STOM: variants seen among roughly 807,000 people sequenced by gnomAD.
STOM encodes stomatin.
Under a neutral mutation model 30.6 loss-of-function variants are expected in STOM, and 25 were observed. The ratio of observed to expected loss-of-function variants is 0.82; its 90% CI spans 0.60 to 1.14. The LOEUF is 1.14. STOM is among the 50% of genes most tolerant of loss of function. The probability of loss-of-function intolerance (pLI) is 0.00; values close to 1 mark genes in which losing one functional copy is unlikely to be tolerated. For synonymous variants in STOM, 118 were observed against 130.8 expected (o/e 0.90, Z 0.67); for missense variants, 292 against 365.2 (o/e 0.80, Z 1.63).
In STOM at chr9:121,341,313, G is replaced by T. The variant is rs2064244834; in HGVS notation, c.756C>A (p.Tyr252Ter). 5 of 1,614,180 alleles carry T rather than the reference G, an allele frequency of 3.1e-6. No individual in the cohort carries two copies. Among genetic ancestry groups the T allele is most frequent in the Non-Finnish European group, 4.2e-6 (5 of 1,180,036 alleles). The change falls in exon 7 of 7, where the codon TAC (tyrosine) becomes TAA (stop). Residue 252 changes from tyrosine to a stop codon, truncating the protein, a stop_gained. Transcript: ENST00000286713. LOFTEE classifies it high-confidence loss of function. ...TESPAALQLR[Y>*]LQTLTTIAAE... ...CAGCAATGGTGGTCAGTGTCTGCAGGTATCGGAGCTGAAGGGCTGCAGGAG... is the reference window on the plus strand; with the variant it reads ...CAGCAATGGTGGTCAGTGTCTGCAGTTATCGGAGCTGAAGGGCTGCAGGAG...
intron 4 of STOM, among the ~76,000 whole-genome samples, chr9:121,351,356 A>T (rs2064337791): frequency 6.6e-6 from 1 of 152,254 alleles, no homozygotes; most frequent in South Asian, 2.1e-4. Context: ...GATTCCTGGC[A>T]TCACTAACTT....
Position 121,357,424 on chromosome 9 carries a change from G to GATATATATATATAT in STOM, c.62-1282_62-1269dup, listed in dbSNP as rs1156937416. Among the ~76,000 whole-genome samples, 34 of 95,426 alleles carry GATATATATATATAT rather than the reference G, an allele frequency of 3.6e-4. 3 individuals carry two copies. Among genetic ancestry groups the GATATATATATATAT allele is most frequent in the South Asian group, 1.5e-3 (3 of 1,944 alleles). 62.6% of individuals were successfully genotyped at this position (95,426 alleles called of 152,430 possible). On this transcript the variant is annotated intron_variant, in intron 1 of 6. Coordinates refer to ENST00000286713, the MANE Select transcript of STOM (RefSeq NM_004099.6). ...TAGTGTACACACCATATTTTTAAATGATATATATATATATATTTATTTATT... is the reference window on the plus strand; with the variant it reads ...TAGTGTACACACCATATTTTTAAATGATATATATATATATATATATATATATATATTTATTTATT...
chr9:121,348,205 A>G, intron 5 of STOM, 56 bp from the exon 6 acceptor site: 3 of 1,611,884 alleles, frequency 1.9e-6, no homozygotes, highest in Non-Finnish European at 2.5e-6. Flanking sequence ...AGATGCTGAC[A>G]GAGGCTGTAT....
intron 1 of STOM, chr9:121,369,844 T>TCTC: frequency 7.3e-6 from 3 of 408,934 alleles, no homozygotes; most frequent in Admixed American, 3.8e-5. Flanking sequence ...TGACACGAGA[T>TCTC]AGTGCAGCCC....
At chr9:121,360,212 C>A (rs2064436868) in intron 1 of STOM, among the ~76,000 whole-genome samples, 1 of 152,150 alleles carries the variant, frequency 6.6e-6, no homozygotes, top group Admixed American at 6.5e-5. Flanking sequence ...CTAGATATGT[C>A]TTTTTCTTTC....
intron 1 of STOM, among the ~76,000 whole-genome samples, chr9:121,361,997 G>A (rs1327210621): frequency 6.6e-6 from 1 of 152,120 alleles, no homozygotes; most frequent in African/African-American, 2.4e-5. Flanking sequence ...GATCTGATCC[G>A]TCTGTGGCCT....
intron 1 of STOM, among the ~76,000 whole-genome samples, chr9:121,360,810 T>G (rs1193059518): frequency 6.6e-6 from 1 of 152,172 alleles, no homozygotes; most frequent in Non-Finnish European, 1.5e-5. Flanking sequence ...TCACATTGTG[T>G]TTTTGAGAAC....
chr9:121,368,822 C>T (rs2064530800), intron 1 of STOM, among the ~76,000 whole-genome samples: 1 of 151,936 alleles, frequency 6.6e-6, no homozygotes, highest in Non-Finnish European at 1.5e-5. Flanking sequence ...CGCCTGTAAT[C>T]CCAGCTACTT....
chr9:121,357,045 T>A (rs1224288283), intron 1 of STOM, among the ~76,000 whole-genome samples: 3 of 151,944 alleles, frequency 2.0e-5, no homozygotes, highest in Non-Finnish European at 4.4e-5. Context: ...TAGCTAGGAG[T>A]ACAGTACGAA....
chr9:121,357,730 G>T (rs543878633), intron 1 of STOM, among the ~76,000 whole-genome samples: 3 of 151,884 alleles, frequency 2.0e-5, no homozygotes, highest in Non-Finnish European at 4.4e-5. Context: ...AAGCCACTGC[G>T]CCCGGCCTTA....
intron 6 of STOM, among the ~76,000 whole-genome samples, chr9:121,343,545 G>C (rs1271099020): frequency 2.6e-5 from 4 of 152,188 alleles, no homozygotes; most frequent in Admixed American, 6.5e-5. Flanking sequence ...AACTTTTCCA[G>C]AGGGTGACGT....
chr9:121,358,338 C>T (rs1299441832), intron 1 of STOM, among the ~76,000 whole-genome samples: 1 of 151,898 alleles, frequency 6.6e-6, no homozygotes, highest in African/African-American at 2.4e-5. Flanking sequence ...GTGGCACACA[C>T]CTGTAGTCCC....
chr9:121,339,710 T>C lies in STOM; in HGVS notation c.*1492A>G. The C allele has an allele frequency of 8.1e-6, 10 of 1,231,236 alleles. No homozygotes were observed. The highest frequency in any genetic ancestry group is 7.1e-6 in the Non-Finnish European group (7 of 987,708). 76.3% of individuals were successfully genotyped at this position (1,231,236 alleles called of 1,614,324 possible). On this transcript the variant is annotated 3_prime_UTR_variant, in exon 7 of 7. Coordinates refer to ENST00000286713, the MANE Select transcript of STOM (RefSeq NM_004099.6). ...GCCAGGTTGCTCAGATTCACAGACA[T>C]TTGCAAAACAGAAGATGTCTCCTAA...
chr9:121,346,178 C>G (rs1457696602), intron 6 of STOM, among the ~76,000 whole-genome samples: 1 of 151,998 alleles, frequency 6.6e-6, no homozygotes, highest in Non-Finnish European at 1.5e-5. Context: ...TTAGTAAGGA[C>G]GGGGTTTCAC....
chr9:121,339,440 A>C lies in STOM; in HGVS notation c.*1762T>G. On this transcript the variant is annotated 3_prime_UTR_variant, in exon 7 of 7. Transcript: ENST00000286713. ...TTAAGTTGCACTGCTCCATACCTCT[A>C]ATAAACTCAGCTAGGAGCCAGGATA... 1 of 917,494 alleles carries C rather than the reference A, an allele frequency of 1.1e-6. No homozygotes were observed. Among genetic ancestry groups the C allele is most frequent in the Non-Finnish European group, 1.4e-6 (1 of 706,512 alleles). The allele number at this position is 917,494 out of a possible 1,614,324, so 56.8% of individuals were successfully genotyped here. A position where few individuals can be genotyped will look rare whatever the true frequency, so the allele number is the denominator to read the frequency against.
In STOM at chr9:121,353,321, C is replaced by G. The variant is rs767215477; in HGVS notation, c.239-19G>C. On this transcript the variant is annotated intron_variant, in intron 3 of 6. Transcript: ENST00000286713. The stretch of plus-strand genomic sequence containing the variant: ...AACAAACCTGCAACAAAGATACACA[C>G]ATTATACAGACACCAGCAACCTAAT... 2 of 1,556,430 alleles carry G rather than the reference C, an allele frequency of 1.3e-6. No homozygotes were observed. Among genetic ancestry groups the G allele is most frequent in the South Asian group, 2.3e-5 (2 of 85,966 alleles).
At chr9:121,349,510 T>A (rs1227324795) in intron 4 of STOM, among the ~76,000 whole-genome samples, 187 bp from the exon 5 acceptor site, 1 of 152,194 alleles carries the variant, frequency 6.6e-6, no homozygotes, top group Non-Finnish European at 1.5e-5. Flanking sequence ...CATTCAATCA[T>A]ACAAATAATA....
At chr9:121,363,091 A>C (rs1033285323) in intron 1 of STOM, among the ~76,000 whole-genome samples, 1 of 152,232 alleles carries the variant, frequency 6.6e-6, no homozygotes, top group East Asian at 1.9e-4. Context: ...GTGAGTCATA[A>C]GCATTATCCT....
chr9:121,370,109 A>G lies in STOM; in HGVS notation c.61+18T>C. ...GGGGCTCGGTCCACGGGGGAGGGTC[A>G]GGGGACGCGGGACTCACCCTTGAAG... On this transcript the variant is annotated intron_variant, in intron 1 of 6. Transcript: ENST00000286713. The G allele has an allele frequency of 6.5e-7, 1 of 1,536,692 alleles. No homozygotes were observed.
Sources: gnomAD v4.1 joint callset for allele counts (sites outside exome capture counted in the v4.1 genomes callset) on GRCh38, gnomAD v4.1.1 for gene constraint, MANE v1.5 for transcripts, NCBI Gene and HGNC (gene_info 2026-07-23, HGNC 2026-07-21) for gene names.